B4GALT6: variants seen among roughly 807,000 people sequenced by gnomAD.
B4GALT6 encodes UDP-Gal:beta-GlcNAc beta-1,4-galactosyltransferase 6.
A neutral mutation model predicts 46.3 loss-of-function variants in B4GALT6; 14 were observed. That is an observed-to-expected ratio of 0.30 (90% CI 0.20 to 0.47). B4GALT6 has a LOEUF of 0.47. Among genes scored for constraint, B4GALT6 ranks in the 20% least tolerant of loss-of-function variants. The pLI is 0.99. For missense variants in B4GALT6, 386 were observed against 480.1 expected, an observed-to-expected ratio of 0.80 and a Z score of 1.83; for synonymous variants, 168 against 162.0, an observed-to-expected ratio of 1.04 and a Z score of -0.28.
the B4GALT6 span, among the ~76,000 whole-genome samples, chr18:31,691,284 T>C: frequency 9.3e-6 from 1 of 107,434 alleles, no homozygotes; most frequent in African/African-American, 3.2e-5. Flanking sequence ...ACCTCTTACA[T>C]AATTTTACAT....
rs568191983 is a variant in B4GALT6 at position 31,679,969 on chromosome 18, A to C, written c.115+4343T>G. ...CATTGCCCCCTATAACCCATCCTTCATGCTAGAAGGGTCACTCTAAGACAA... is the reference window on the plus strand; with the variant it reads ...CATTGCCCCCTATAACCCATCCTTCCTGCTAGAAGGGTCACTCTAAGACAA... On this transcript the variant is annotated intron_variant, in intron 1 of 8. Coordinates refer to ENST00000306851, the MANE Select transcript of B4GALT6 (RefSeq NM_004775.5). Among the ~76,000 whole-genome samples, 141 of 152,260 alleles carry C rather than the reference A, an allele frequency of 9.3e-4. 1 individual carries two copies. The highest frequency in any genetic ancestry group is 3.3e-3 in the African/African-American group (138 of 41,564).
At chr18:31,709,559 G>A in the B4GALT6 span, among the ~76,000 whole-genome samples, 920 of 18,458 alleles carry the variant, frequency 0.05, 17 homozygotes, top group African/African-American at 0.1. Flanking sequence ...ATATATGTGT[G>A]TGTGTGTGTG....
In B4GALT6 at chr18:31,650,242, T is replaced by A. The variant is rs148927538; in HGVS notation, c.347-4763A>T. 3.7e-3 allele frequency among the ~76,000 whole-genome samples: 562 copies of A among 152,336 alleles called. 5 individuals carry two copies. The highest frequency in any genetic ancestry group is 0.013 in the African/African-American group (534 of 41,566). On this transcript the variant is annotated intron_variant, in intron 3 of 8. Transcript: ENST00000306851. ...CCTAAGAATTACCAGCTGTGCTTGT[T>A]TAAAATGCAGCTGACTGGCCACATT...
the B4GALT6 span, among the ~76,000 whole-genome samples, chr18:31,708,050 T>C: frequency 6.6e-6 from 1 of 152,218 alleles, no homozygotes; most frequent in Non-Finnish European, 1.5e-5. Context: ...TATCATGAGT[T>C]GATGCATTAA....
chr18:31,720,819 A>G, the B4GALT6 span, among the ~76,000 whole-genome samples: 1 of 152,300 alleles, frequency 6.6e-6, no homozygotes, highest in South Asian at 2.1e-4. Context: ...CTTCAAAGAT[A>G]ATAAGCTTAT....
upstream of B4GALT6, chr18:31,684,583 AAATGGGAGGGAGCGGACGGAATG>A (rs959833945): frequency 1.6e-5 from 22 of 1,371,916 alleles, no homozygotes; most frequent in Middle Eastern, 2.8e-4. Context: ...GGAAAAGAGG[AAATGGGAGGGAGCGGACGGAATG>A]AATGGGAGGC....
the B4GALT6 span, among the ~76,000 whole-genome samples, chr18:31,691,553 AT>A: frequency 1.3e-5 from 2 of 152,152 alleles, no homozygotes; most frequent in Admixed American, 1.3e-4. Context: ...AAGAAATGTA[AT>A]TATGATACAG....
chr18:31,633,703 C>A (rs560235862), intron 5 of B4GALT6, among the ~76,000 whole-genome samples: 1 of 152,170 alleles, frequency 6.6e-6, no homozygotes, highest in Non-Finnish European at 1.5e-5. Context: ...TATTCTCCTG[C>A]CTTCTCCAGA....
intron 1 of B4GALT6, among the ~76,000 whole-genome samples, chr18:31,673,100 T>C (rs1201523193): frequency 6.6e-6 from 1 of 151,964 alleles, no homozygotes; most frequent in East Asian, 1.9e-4. Context: ...GGTGAATAAT[T>C]TCAGGCACTA....
chr18:31,663,222 AG>A (rs1164832634), intron 2 of B4GALT6, among the ~76,000 whole-genome samples: 1 of 152,234 alleles, frequency 6.6e-6, no homozygotes, highest in Non-Finnish European at 1.5e-5. Context: ...GCTGCGAAAC[AG>A]CAGCTTAAAA....
chr18:31,627,952 A>T (rs2073722495), intron 6 of B4GALT6, among the ~76,000 whole-genome samples: 1 of 152,236 alleles, frequency 6.6e-6, no homozygotes, highest in East Asian at 1.9e-4. Context: ...GACCATGCAC[A>T]GCACCCAAAA....
At chr18:31,673,473 G>C (rs1284590676) in intron 1 of B4GALT6, among the ~76,000 whole-genome samples, 4 of 152,122 alleles carry the variant, frequency 2.6e-5, no homozygotes, top group Admixed American at 2.6e-4. Context: ...TAGACATCCT[G>C]GTGGTCAGCA....
the B4GALT6 span, chr18:31,724,285 C>A: frequency 2.4e-6 from 1 of 415,674 alleles, no homozygotes. Context: ...CGTCTCTGGG[C>A]CCCACGGGCC....
intron 2 of B4GALT6, 51 bp from the exon 3 acceptor site, chr18:31,658,140 T>C (rs1197667947): frequency 7.5e-7 from 1 of 1,330,770 alleles, no homozygotes; most frequent in Admixed American, 1.9e-5. Flanking sequence ...CCTTTTGCTT[T>C]CTCCCTGGAA....
intron 5 of B4GALT6, 139 bp downstream of exon 5, chr18:31,638,505 C>A: frequency 4.3e-6 from 3 of 704,490 alleles, no homozygotes; most frequent in Non-Finnish European, 7.0e-6. Flanking sequence ...CCAGCCTGGG[C>A]AACACAGCAA....
chr18:31,627,193 C>T, intron 6 of B4GALT6, 72 bp from the exon 7 acceptor site: 7 of 1,340,732 alleles, frequency 5.2e-6, no homozygotes, highest in Non-Finnish European at 7.1e-6. Flanking sequence ...AGGTTTCAGC[C>T]TTTTATGTGC....
At chr18:31,702,079 A>G in the B4GALT6 span, among the ~76,000 whole-genome samples, 1 of 152,230 alleles carries the variant, frequency 6.6e-6, no homozygotes, top group Non-Finnish European at 1.5e-5. Context: ...GTTGTTGTAC[A>G]TCTTAAATTT....
At chr18:31,708,938 C>T in the B4GALT6 span, among the ~76,000 whole-genome samples, 5 of 152,166 alleles carry the variant, frequency 3.3e-5, no homozygotes, top group African/African-American at 1.2e-4. Context: ...TTTGTCAGTG[C>T]TTCTGTCTAT....
chr18:31,675,948 C>A (rs1413761788), intron 1 of B4GALT6, among the ~76,000 whole-genome samples: 1 of 152,092 alleles, frequency 6.6e-6, no homozygotes, highest in Non-Finnish European at 1.5e-5. Flanking sequence ...AGAATTCCAA[C>A]TTAGTATTCA....
Sources: gnomAD v4.1 joint callset for allele counts (sites outside exome capture counted in the v4.1 genomes callset) on GRCh38, gnomAD v4.1.1 for gene constraint, MANE v1.5 for transcripts, NCBI Gene and HGNC (gene_info 2026-07-23, HGNC 2026-07-21) for gene names.